ACTN4: variants seen among roughly 807,000 people sequenced by gnomAD.
ACTN4 encodes the protein alpha-actinin-4.
In ACTN4, 18 loss-of-function variants were observed where a neutral mutation model predicts 114.2. That is an observed-to-expected ratio of 0.16 (90% CI 0.11 to 0.23). The LOEUF is 0.23. Among genes scored for constraint, ACTN4 ranks in the 10% least tolerant of loss-of-function variants. The probability of loss-of-function intolerance (pLI) is 1.00; values close to 1 mark genes in which losing one functional copy is unlikely to be tolerated. For synonymous variants in ACTN4, 515 were observed against 506.3 expected (o/e 1.02, Z -0.23); for missense variants, 722 against 1,262.9 (o/e 0.57, Z 6.49).
chr19:38,726,547 C>A (rs896324505), intron 17 of ACTN4, among the ~76,000 whole-genome samples: 2 of 152,178 alleles, frequency 1.3e-5, no homozygotes, highest in African/African-American at 4.8e-5. Context: ...ACAAGCTGGT[C>A]GCCGTCATAT....
rs1025226460 is a variant in ACTN4, at chr19:38,729,649, A to T, written c.*217A>T. Reference sequence around the variant, plus strand: ...GACCAGGTTGGGGAGACTTGGGGCCAGCGCTTCTGGTCTGGTAAATATGTA... The same window carrying T: ...GACCAGGTTGGGGAGACTTGGGGCCTGCGCTTCTGGTCTGGTAAATATGTA... On this transcript the variant is annotated 3_prime_UTR_variant, in exon 21 of 21. Transcript: ENST00000252699. 4 of 734,346 alleles carry T rather than the reference A, an allele frequency of 5.4e-6. No homozygotes were observed. The highest frequency in any genetic ancestry group is 9.6e-6 in the Non-Finnish European group (4 of 416,656). The allele number at this position is 734,346 out of a possible 1,614,324, so 45.5% of individuals were successfully genotyped here.
chr19:38,676,185 A>G (rs1392800098), intron 1 of ACTN4, among the ~76,000 whole-genome samples: 1 of 152,188 alleles, frequency 6.6e-6, no homozygotes, highest in African/African-American at 2.4e-5. Context: ...TCAGCCAAAG[A>G]ACTAATGCCA....
At chr19:38,666,510 C>G (rs1020307253) in intron 1 of ACTN4, among the ~76,000 whole-genome samples, 3 of 152,202 alleles carry the variant, frequency 2.0e-5, no homozygotes, top group Non-Finnish European at 2.9e-5. Flanking sequence ...AAGTAACTGC[C>G]TGAGTCAGCT....
At chr19:38,673,715 ATT>A (rs1491196680) in intron 1 of ACTN4, among the ~76,000 whole-genome samples, 14 of 88,142 alleles carry the variant, frequency 1.6e-4, no homozygotes, top group East Asian at 1.4e-3. Flanking sequence ...ATATTTATAT[ATT>A]TATATATACT....
intron 7 of ACTN4, 107 bp downstream of exon 7, chr19:38,709,583 C>A: frequency 1.0e-6 from 1 of 975,068 alleles, no homozygotes; most frequent in Non-Finnish European, 1.6e-6. Context: ...TTTGGGTCAC[C>A]TTGGGGAGCT....
chr19:38,680,824 G>T (rs1262693663), intron 1 of ACTN4, among the ~76,000 whole-genome samples: 2 of 151,902 alleles, frequency 1.3e-5, no homozygotes, highest in African/African-American at 2.4e-5. Flanking sequence ...TATAGTGAGG[G>T]TTTAAAAGTG....
intron 11 of ACTN4, among the ~76,000 whole-genome samples, chr19:38,720,081 C>T (rs879449906): frequency 5.9e-5 from 9 of 152,228 alleles, no homozygotes; most frequent in Admixed American, 4.6e-4. Context: ...GTAGCAGTTA[C>T]GTGAAACAGG....
At chr19:38,708,510 TCTGCCCAAAG>T (rs1968536506) in intron 6 of ACTN4, among the ~76,000 whole-genome samples, 1 of 152,202 alleles carries the variant, frequency 6.6e-6, no homozygotes, top group Non-Finnish European at 1.5e-5. Flanking sequence ...TAGAACCTCC[TCTGCCCAAAG>T]GGGCAGAGGG....
chr19:38,700,787 T>C, intron 2 of ACTN4, 73 bp downstream of exon 2: 1 of 1,465,298 alleles, frequency 6.8e-7, no homozygotes, highest in East Asian at 2.3e-5. Context: ...CCAGAGACCC[T>C]GCCCACCCAG....
chr19:38,670,414 A>T (rs1447291646), intron 1 of ACTN4, among the ~76,000 whole-genome samples: 2 of 152,136 alleles, frequency 1.3e-5, no homozygotes. Flanking sequence ...TGTGAGGAGA[A>T]TGGATGTGAG....
intron 1 of ACTN4, among the ~76,000 whole-genome samples, chr19:38,671,291 G>T (rs1231058359): frequency 6.6e-6 from 1 of 152,134 alleles, no homozygotes; most frequent in Non-Finnish European, 1.5e-5. Flanking sequence ...AGGTTTTTGT[G>T]AACCAAAATA....
chr19:38,671,029 C>T (rs1967112116), intron 1 of ACTN4, among the ~76,000 whole-genome samples: 1 of 152,040 alleles, frequency 6.6e-6, no homozygotes, highest in Admixed American at 6.6e-5. Flanking sequence ...CTGTCTCTGC[C>T]TCTCCTCTAG....
chr19:38,676,006 C>T (rs1303015122), intron 1 of ACTN4, among the ~76,000 whole-genome samples: 1 of 152,202 alleles, frequency 6.6e-6, no homozygotes, highest in African/African-American at 2.4e-5. Flanking sequence ...AAGGAAGTCT[C>T]CATTTTCTCT....
At chr19:38,681,593 G>A (rs1347331500) in intron 1 of ACTN4, among the ~76,000 whole-genome samples, 1 of 152,100 alleles carries the variant, frequency 6.6e-6, no homozygotes, top group Admixed American at 6.5e-5. Context: ...GATCGCAATC[G>A]CGCTCTCCTT....
At chr19:38,722,807 C>G (rs974561971) in intron 12 of ACTN4, among the ~76,000 whole-genome samples, 1 of 152,214 alleles carries the variant, frequency 6.6e-6, no homozygotes, top group Admixed American at 6.5e-5. Context: ...GCCCCCTTCT[C>G]AGGCCCTGGG....
At chr19:38,660,211 C>T (rs142539619) in intron 1 of ACTN4, among the ~76,000 whole-genome samples, 8 of 152,246 alleles carry the variant, frequency 5.3e-5, no homozygotes, top group Non-Finnish European at 7.4e-5. Context: ...CATGGGCCAC[C>T]GCCCCCAGCC....
chr19:38,674,896 T>C (rs1419494819), intron 1 of ACTN4, among the ~76,000 whole-genome samples: 1 of 152,176 alleles, frequency 6.6e-6, no homozygotes, highest in East Asian at 1.9e-4. Flanking sequence ...ACTCGTGATA[T>C]CGCTGATTCA....
chr19:38,729,567 G>A lies in ACTN4; in HGVS notation c.*135G>A. On this transcript the variant is annotated 3_prime_UTR_variant, in exon 21 of 21. Transcript: ENST00000252699. ...TCCGGGGTGGGTGGGTGGGCAGGGA[G>A]GGGCTGGGGCAGGCTCTCTCCTCTC... 1.0e-6 allele frequency: 1 copy of A among 978,316 alleles called. No individual in the cohort carries two copies. Among genetic ancestry groups the A allele is most frequent in the Non-Finnish European group, 1.6e-6 (1 of 638,280 alleles). The allele number at this position is 978,316 out of a possible 1,614,324, so 60.6% of individuals were successfully genotyped here.
intron 3 of ACTN4, among the ~76,000 whole-genome samples, chr19:38,703,100 C>A (rs1201082861): frequency 6.6e-6 from 1 of 152,182 alleles, no homozygotes; most frequent in Admixed American, 6.5e-5. Context: ...CTGATGGACT[C>A]TGGGATGAGG....
Sources: allele counts gnomAD v4.1 joint callset (sites outside exome capture counted in the v4.1 genomes callset), GRCh38; gene constraint gnomAD v4.1.1; transcripts MANE v1.5; gene names NCBI Gene and HGNC (gene_info 2026-07-23, HGNC 2026-07-21).